Variants in PCDH9 observed in about 807,000 individuals in gnomAD.
PCDH9 encodes the protein protocadherin 9, also known as protocadherin-9.
PCDH9 carries 24 observed loss-of-function variants against 70.6 expected under a neutral mutation model. The ratio of observed to expected loss-of-function variants is 0.34; its 90% CI spans 0.25 to 0.48. PCDH9 has a LOEUF of 0.48. Among genes scored for constraint, PCDH9 ranks in the 20% least tolerant of loss-of-function variants. The probability of loss-of-function intolerance (pLI) is 0.99; values close to 1 mark genes in which losing one functional copy is unlikely to be tolerated. For synonymous variants in PCDH9, 562 were observed against 558.5 expected, an observed-to-expected ratio of 1.01 and a Z score of -0.09; for missense variants, 1,281 against 1,503.6, an observed-to-expected ratio of 0.85 and a Z score of 2.45.
intron 2 of PCDH9, among the ~76,000 whole-genome samples, chr13:67,176,533 A>AC (rs1002522873): frequency 1.3e-5 from 2 of 152,024 alleles, no homozygotes; most frequent in Non-Finnish European, 2.9e-5. Flanking sequence ...ACAAAAAAAA[A>AC]ACAAAGAATC....
In PCDH9 at chr13:67,226,829, A is replaced by G. The variant is rs1427062858; in HGVS notation, c.1612T>C (p.Phe538Leu). Residue 538 changes from phenylalanine to leucine, a missense_variant, in exon 2 of 5, where the codon TTC becomes CTC. By Grantham distance (22) the Phe-to-Leu change is conservative. Transcript: ENST00000377865. This position sits in a 1 kb window ranked among gnomAD's most constrained non-coding sequence, Gnocchi z 5.0. ...TCCCTGGCAGTTACTGTAAAAATGA[A>G]TCGTTCTTGTTCTTCTCTGTCAAAT... ...RVFDREEQER[F>L]IFTVTARDNG... 6.2e-7 allele frequency: 1 copy of G among 1,614,150 alleles called. No homozygotes were observed. Among genetic ancestry groups the G allele is most frequent in the Admixed American group, 1.7e-5 (1 of 60,022 alleles).
At chr13:66,589,829 T>C (rs2077015649) in intron 4 of PCDH9, among the ~76,000 whole-genome samples, 1 of 152,112 alleles carries the variant, frequency 6.6e-6, no homozygotes, top group Admixed American at 6.6e-5. Context: ...TGAGAATACA[T>C]ATTATAGTTA....
chr13:66,824,783 T>C (rs1201207961), intron 3 of PCDH9, among the ~76,000 whole-genome samples: 2 of 148,460 alleles, frequency 1.3e-5, no homozygotes, highest in Non-Finnish European at 3.0e-5. Context: ...ATGTAGAACA[T>C]TAAAATTCAA....
intron 2 of PCDH9, chr13:67,211,257 T>G (rs2138082510): frequency 6.6e-6 from 1 of 152,132 alleles, no homozygotes; most frequent in African/African-American, 2.4e-5. Flanking sequence ...TTCATTTAAA[T>G]TATAGTAATT....
intron 4 of PCDH9, among the ~76,000 whole-genome samples, chr13:66,610,125 TA>T (rs2077274531): frequency 6.6e-6 from 1 of 152,104 alleles, no homozygotes; most frequent in African/African-American, 2.4e-5. Flanking sequence ...GAGCTCTTGT[TA>T]TCTACCAGAT....
At chr13:66,340,976 C>T (rs1333772652) in intron 4 of PCDH9, among the ~76,000 whole-genome samples, 1 of 152,040 alleles carries the variant, frequency 6.6e-6, no homozygotes, top group Non-Finnish European at 1.5e-5. Context: ...TACCATTGCC[C>T]TTACATAAAA....
At chr13:67,195,072 A>C (rs1325222355) in intron 2 of PCDH9, among the ~76,000 whole-genome samples, 2 of 152,130 alleles carry the variant, frequency 1.3e-5, no homozygotes, top group African/African-American at 2.4e-5. Flanking sequence ...CCACTGACAA[A>C]ACAATGCCTA....
intron 4 of PCDH9, among the ~76,000 whole-genome samples, chr13:66,539,184 T>A (rs1960838994): frequency 1.3e-5 from 2 of 152,088 alleles, no homozygotes; most frequent in South Asian, 4.2e-4. Flanking sequence ...AGAAAAATAG[T>A]TTACATCCAC....
At chr13:67,174,963 CAAAA>C (rs376755966) in intron 2 of PCDH9, among the ~76,000 whole-genome samples, 14 of 127,424 alleles carry the variant, frequency 1.1e-4, no homozygotes, top group Non-Finnish European at 1.8e-4. Context: ...TCATCTCTAC[CAAAA>C]AAAAAAAAAA....
intron 3 of PCDH9, among the ~76,000 whole-genome samples, chr13:66,875,526 C>T (rs1165268010): frequency 6.6e-6 from 1 of 152,128 alleles, no homozygotes; most frequent in Non-Finnish European, 1.5e-5. Flanking sequence ...CTGCTTTGAA[C>T]ATTTTTCTTC....
intron 3 of PCDH9, among the ~76,000 whole-genome samples, chr13:66,702,921 T>C (rs1475114234): frequency 2.0e-5 from 3 of 152,194 alleles, no homozygotes; most frequent in South Asian, 2.1e-4. Flanking sequence ...AAGAGACTTC[T>C]AGTGATAGAA....
chr13:67,019,043 T>C (rs1281042405), intron 2 of PCDH9, among the ~76,000 whole-genome samples: 1 of 152,100 alleles, frequency 6.6e-6, no homozygotes, highest in Non-Finnish European at 1.5e-5. Flanking sequence ...TTGATTCATG[T>C]TATTATTTTC....
chr13:66,754,043 CTT>C (rs957104535), intron 3 of PCDH9, among the ~76,000 whole-genome samples: 1 of 151,962 alleles, frequency 6.6e-6, no homozygotes, highest in African/African-American at 2.4e-5. Context: ...CTGAACCTCT[CTT>C]TTTTTATTTC....
At chr13:66,883,376 T>G (rs2081953241) in intron 3 of PCDH9, among the ~76,000 whole-genome samples, 2 of 152,214 alleles carry the variant, frequency 1.3e-5, no homozygotes, top group Admixed American at 1.3e-4. Flanking sequence ...TGTGTGTGTG[T>G]GTGTGCATTT....
At chr13:66,795,683 C>T (rs1485832988) in intron 3 of PCDH9, among the ~76,000 whole-genome samples, 3 of 152,122 alleles carry the variant, frequency 2.0e-5, no homozygotes, top group Admixed American at 6.6e-5. Flanking sequence ...TCTGTTTACT[C>T]ATTGCCAATC....
intron 4 of PCDH9, among the ~76,000 whole-genome samples, chr13:66,506,961 A>C (rs1424579064): frequency 6.6e-6 from 1 of 152,234 alleles, no homozygotes; most frequent in Non-Finnish European, 1.5e-5. Context: ...ATGATGGACA[A>C]GTTCTCATTC....
chr13:66,987,979 C>T (rs1267071050), intron 2 of PCDH9, among the ~76,000 whole-genome samples: 1 of 151,746 alleles, frequency 6.6e-6, no homozygotes, highest in Non-Finnish European at 1.5e-5. Flanking sequence ...GCTTATTGGG[C>T]TCAATAAGTT....
At chr13:66,455,196 C>T (rs1958294937) in intron 4 of PCDH9, among the ~76,000 whole-genome samples, 1 of 151,752 alleles carries the variant, frequency 6.6e-6, no homozygotes, top group South Asian at 2.1e-4. Flanking sequence ...TTTCAGTTCT[C>T]TTAATCTCAG....
chr13:67,082,979 T>A (rs1403573667), intron 2 of PCDH9, among the ~76,000 whole-genome samples: 1 of 152,126 alleles, frequency 6.6e-6, no homozygotes, highest in East Asian at 1.9e-4. Context: ...CTGGAATACC[T>A]CTGGAAATTT....
Sources: gnomAD v4.1 joint callset for allele counts (sites outside exome capture counted in the v4.1 genomes callset) on GRCh38, gnomAD v4.1.1 for gene constraint, Gnocchi (gnomAD v3.1) non-coding constraint, MANE v1.5 for transcripts, NCBI Gene and HGNC (gene_info 2026-07-23, HGNC 2026-07-21) for gene names.